TLE4: variants seen among roughly 807,000 people sequenced by gnomAD.
TLE4 encodes transducin-like enhancer protein 4.
TLE4 carries 8 observed loss-of-function variants against 92.8 expected under a neutral mutation model. The ratio of observed to expected loss-of-function variants is 0.09; its 90% CI spans 0.05 to 0.16. The LOEUF is 0.16. Among genes scored for constraint, TLE4 ranks in the 10% least tolerant of loss-of-function variants. TLE4 has a pLI of 1.00. For synonymous variants in TLE4, 371 were observed against 374.1 expected, an observed-to-expected ratio of 0.99 and a Z score of 0.10; for missense variants, 675 against 997.6, an observed-to-expected ratio of 0.68 and a Z score of 4.36.
rs181835672 is a variant in TLE4, at chr9:79,591,581, T to C, written c.252+15404T>C. Among the ~76,000 whole-genome samples the C allele has an allele frequency of 1.3e-3, 196 of 152,268 alleles. No individual in the cohort carries two copies. The Middle Eastern group carries it at 0.02, about 16-fold the overall frequency. Reference sequence around the variant, plus strand: ...AGCTAGCATGAGGCCTGAGAACAAATGTCAGTGAATGTTGTTGAAACGATT... The same window carrying C: ...AGCTAGCATGAGGCCTGAGAACAAACGTCAGTGAATGTTGTTGAAACGATT... On this transcript the variant is annotated intron_variant, in intron 4 of 19. Coordinates refer to ENST00000376552, the MANE Select transcript of TLE4 (RefSeq NM_007005.6).
rs2036015742 is a variant in TLE4, at chr9:79,572,184, T to C, written c.-607T>C. The C allele has an allele frequency of 6.8e-6, 1 of 147,160 alleles. No homozygotes were observed. The highest frequency in any genetic ancestry group is 6.7e-5 in the Admixed American group (1 of 14,856). The allele number at this position is 147,160 out of a possible 1,614,324, so 9.1% of individuals were successfully genotyped here. On this transcript the variant is annotated 5_prime_UTR_variant, in exon 1 of 20. Coordinates refer to ENST00000376552, the MANE Select transcript of TLE4 (RefSeq NM_007005.6). ...ACAAGAAAACAGGAAGGAAGAGAAA[T>C]AAGGAAATGAGATGTGGTAAAAGAA...
intron 4 of TLE4, among the ~76,000 whole-genome samples, chr9:79,598,204 G>A (rs539304044): frequency 2.0e-5 from 3 of 148,154 alleles, no homozygotes; most frequent in South Asian, 4.3e-4. Flanking sequence ...AGCTGAGATC[G>A]TGCCACTGCA....
At chr9:79,610,913 A>G (rs886223754) in intron 4 of TLE4, among the ~76,000 whole-genome samples, 13 of 152,000 alleles carry the variant, frequency 8.6e-5, no homozygotes, top group African/African-American at 3.1e-4. Flanking sequence ...CAGCCCTCCT[A>G]GCAAGGGACT....
In TLE4 at chr9:79,625,014, CT is replaced by C. The variant is rs34968887; in HGVS notation, c.316-2337del. The stretch of plus-strand genomic sequence containing the variant: ...AGTTTCTTTTAAATCTATTTCTTTT[CT>C]TTTTTTTTTTTTTTTTTTTTTTGAG... On this transcript the variant is annotated intron_variant, in intron 5 of 19. Coordinates refer to ENST00000376552, the MANE Select transcript of TLE4 (RefSeq NM_007005.6). Among the ~76,000 whole-genome samples, 75 of 79,934 alleles carry C rather than the reference CT, an allele frequency of 9.4e-4. No individual in the cohort carries two copies. The East Asian group carries it at 0.013, about 14-fold the overall frequency. The allele number at this position is 79,934 out of a possible 152,430, so 52.4% of individuals were successfully genotyped here. A position where few individuals can be genotyped will look rare whatever the true frequency, so the allele number is the denominator to read the frequency against.
chr9:79,657,969 T>C (rs948267972), intron 8 of TLE4, among the ~76,000 whole-genome samples: 1 of 152,208 alleles, frequency 6.6e-6, no homozygotes. Flanking sequence ...GTCACATCTA[T>C]GAGGGATTTG....
At chr9:79,573,579 T>G in intron 1 of TLE4, 110 bp from the exon 2 acceptor site, 1 of 931,384 alleles carries the variant, frequency 1.1e-6, no homozygotes, top group Non-Finnish European at 1.6e-6. Context: ...TCTCTTTGCT[T>G]GCGTGCGCGA....
At chr9:79,649,277 C>G (rs1468063766) in intron 6 of TLE4, among the ~76,000 whole-genome samples, 1 of 143,526 alleles carries the variant, frequency 7.0e-6, no homozygotes, top group Non-Finnish European at 1.6e-5. Flanking sequence ...TACATACACA[C>G]ACACACACAC....
Position 79,636,831 on chromosome 9 carries a change from G to A in TLE4, c.390+9383G>A, listed in dbSNP as rs117791058. ...ATAGGTATCTCATAATTTTCAATAC[G>A]TATTTGTATGATAAATATTCAGTAA... On this transcript the variant is annotated intron_variant, in intron 6 of 19. Transcript: ENST00000376552. Among the ~76,000 whole-genome samples the A allele has an allele frequency of 3.9e-4, 60 of 152,190 alleles. No homozygotes were observed. The South Asian group carries it at 0.012, about 29-fold the overall frequency.
chr9:79,631,660 G>GTGTGTGTGTGTGTGTGTT (rs2054270870), intron 6 of TLE4, among the ~76,000 whole-genome samples: 2 of 148,710 alleles, frequency 1.3e-5, no homozygotes, highest in African/African-American at 5.1e-5. Context: ...GTGTGTGTGT[G>GTGTGTGTGTGTGTGTGTT]TGTTTTCTAC....
intron 6 of TLE4, among the ~76,000 whole-genome samples, chr9:79,651,446 C>CT (rs2058977759): frequency 2.6e-5 from 4 of 152,124 alleles, no homozygotes; most frequent in Admixed American, 6.5e-5. Flanking sequence ...AGGGCTTTCT[C>CT]TATGTGTTGC....
At chr9:79,634,971 T>G (rs920090795) in intron 6 of TLE4, among the ~76,000 whole-genome samples, 5 of 152,308 alleles carry the variant, frequency 3.3e-5, no homozygotes, top group South Asian at 4.1e-4. Context: ...GTTATATCTT[T>G]TGGGTGATTA....
chr9:79,649,981 T>G (rs1038246009), intron 6 of TLE4: 1 of 891,872 alleles, frequency 1.1e-6, no homozygotes, highest in African/African-American at 1.8e-5. Context: ...AGTAGCACAA[T>G]CATGGCTCAC....
rs1208249931 is a variant in TLE4, at chr9:79,705,903, G to A, written c.744G>A (p.Glu248=). ...TGTCAATGCAGGACAGCGATGGTGA[G>A]AAAAGTGATGACAACTTGGTGGTTG... ...EIAARYDSDG[E]KSDDNLVVDV... The change falls in exon 10 of 20, where the codon GAG becomes GAA. Residue 248 remains glutamate (E), a synonymous_variant. Transcript: ENST00000376552. 2.5e-6 allele frequency: 4 copies of A among 1,614,220 alleles called. No homozygotes were observed. The highest frequency in any genetic ancestry group is 3.4e-6 in the Non-Finnish European group (4 of 1,180,036).
At chr9:79,638,488 T>C (rs1587662844) in intron 6 of TLE4, among the ~76,000 whole-genome samples, 1 of 152,224 alleles carries the variant, frequency 6.6e-6, no homozygotes, top group East Asian at 1.9e-4. Context: ...GAATGGTACA[T>C]TCTTGAATCC....
intron 8 of TLE4, among the ~76,000 whole-genome samples, chr9:79,674,138 A>C (rs144478714): frequency 6.6e-6 from 1 of 152,312 alleles, no homozygotes; most frequent in Admixed American, 6.5e-5. Flanking sequence ...TGCTTAGTAT[A>C]GAGTGAAAAC....
chr9:79,627,007 G>GA, intron 5 of TLE4, among the ~76,000 whole-genome samples: 1 of 152,292 alleles, frequency 6.6e-6, no homozygotes, highest in Admixed American at 6.5e-5. Context: ...ATAGCAAAGA[G>GA]AAAAGGTAGT....
intron 8 of TLE4, among the ~76,000 whole-genome samples, chr9:79,701,465 G>T (rs1304701770): frequency 6.6e-6 from 1 of 152,094 alleles, no homozygotes; most frequent in East Asian, 1.9e-4. Context: ...AAATTGTTTT[G>T]TTTAGAAATT....
chr9:79,682,750 C>T (rs1281564633), intron 8 of TLE4, among the ~76,000 whole-genome samples: 2 of 152,170 alleles, frequency 1.3e-5, no homozygotes, highest in Non-Finnish European at 2.9e-5. Context: ...TGAAAATGCT[C>T]AAGCATCTCA....
At position 79,718,809 on chromosome 9, in the gene TLE4, G is replaced by A. The variant is rs772596138; in HGVS notation, c.1428G>A (p.Arg476=). 1 of 1,614,112 alleles carries A rather than the reference G, an allele frequency of 6.2e-7. No homozygotes were observed. The highest frequency in any genetic ancestry group is 1.1e-5 in the South Asian group (1 of 91,084). The change falls in exon 15 of 20, where the codon CGG becomes CGA. Residue 476 remains arginine (R), a synonymous_variant. Transcript: ENST00000376552. The part of the protein sequence containing the change: ...PDALIGPGIP[R]HARQINTLNH... ...CCCTCATCGGACCTGGAATCCCCCG[G>A]CATGCTCGCCAGATCAACACCCTCA...
Sources: allele counts gnomAD v4.1 joint callset (sites outside exome capture counted in the v4.1 genomes callset), GRCh38; gene constraint gnomAD v4.1.1; transcripts MANE v1.5; gene names NCBI Gene and HGNC (gene_info 2026-07-23, HGNC 2026-07-21).